Variants in CSMD1 observed in about 807,000 individuals in gnomAD.
CSMD1 encodes the protein CUB and Sushi multiple domains 1, also known as CUB and sushi domain-containing protein 1.
Under a neutral mutation model 417.5 loss-of-function variants are expected in CSMD1, and 213 were observed. The observed-to-expected ratio is 0.51, with a 90% CI of 0.46 to 0.57. CSMD1 has a LOEUF of 0.57. Among genes scored for constraint, CSMD1 ranks in the 20% least tolerant of loss-of-function variants. CSMD1 has a pLI of 0.00. For missense variants in CSMD1, 6,923 were observed against 4,529.7 expected (o/e 1.53, Z -15.17); for synonymous variants, 2,862 against 1,736.8 (o/e 1.65, Z -16.11).
At chr8:3,018,704 G>T in intron 51 of CSMD1, 54 bp from the exon 52 acceptor site, 1 of 1,484,788 alleles carries the variant, frequency 6.7e-7, no homozygotes, top group East Asian at 2.3e-5. Context: ...GATTACTCCT[G>T]TGCTCCAAAC....
intron 2 of CSMD1, among the ~76,000 whole-genome samples, chr8:4,545,638 G>C (rs1797594250): frequency 6.6e-6 from 1 of 152,186 alleles, no homozygotes; most frequent in Non-Finnish European, 1.5e-5. Context: ...TTCGTGGCTA[G>C]GAGTAAGACA....
At chr8:3,363,987 A>G (rs557991283) in intron 20 of CSMD1, among the ~76,000 whole-genome samples, 22 of 152,302 alleles carry the variant, frequency 1.4e-4, no homozygotes, top group African/African-American at 5.3e-4. Flanking sequence ...AGGAAACACA[A>G]TCAGGAAACA....
At chr8:4,894,360 A>T (rs549616720) in intron 1 of CSMD1, among the ~76,000 whole-genome samples, 18 of 152,110 alleles carry the variant, frequency 1.2e-4, no homozygotes, top group African/African-American at 3.9e-4. Flanking sequence ...GATTCTTAAA[A>T]ACACTTAGAT....
chr8:3,791,914 C>G (rs959889634), intron 5 of CSMD1, among the ~76,000 whole-genome samples: 1 of 152,048 alleles, frequency 6.6e-6, no homozygotes, highest in African/African-American at 2.4e-5. Context: ...AAAGTAATGG[C>G]AAAAACCTCA....
At chr8:3,527,469 A>G in intron 10 of CSMD1, among the ~76,000 whole-genome samples, 1 of 152,214 alleles carries the variant, frequency 6.6e-6, no homozygotes, top group Admixed American at 6.5e-5. Flanking sequence ...CGAGGGTGGG[A>G]TGTCACTATG....
intron 1 of CSMD1, among the ~76,000 whole-genome samples, chr8:4,932,737 C>T (rs2117197949): frequency 6.6e-6 from 1 of 152,236 alleles, no homozygotes; most frequent in South Asian, 2.1e-4. Flanking sequence ...GCCTTAAGTA[C>T]GATCCTTAAA....
At chr8:4,443,814 T>C (rs1469805947) in intron 2 of CSMD1, among the ~76,000 whole-genome samples, 2 of 152,186 alleles carry the variant, frequency 1.3e-5, no homozygotes, top group East Asian at 3.9e-4. Flanking sequence ...AAATCCCTTA[T>C]ATGGTGATCA....
chr8:4,849,246 T>A (rs1006138602), intron 1 of CSMD1, among the ~76,000 whole-genome samples: 1 of 152,304 alleles, frequency 6.6e-6, no homozygotes, highest in African/African-American at 2.4e-5. Flanking sequence ...AAAATATTAT[T>A]GTACACCTGT....
chr8:3,148,038 C>T lies in CSMD1; in HGVS notation c.6031+3359G>A, dbSNP rs570937448. Among the ~76,000 whole-genome samples the T allele has an allele frequency of 7.2e-5, 11 of 152,304 alleles. No homozygotes were observed. The East Asian group carries it at 1.9e-3, about 27-fold the overall frequency. On this transcript the variant is annotated intron_variant, in intron 40 of 69. Transcript: ENST00000635120. ...GTGTGACGTCAGTTGAAATACCTGT[C>T]TACCTTCTCAATCTCCCTGCTTGTC...
At chr8:4,072,818 C>T (rs1799628008) in intron 3 of CSMD1, among the ~76,000 whole-genome samples, 1 of 152,134 alleles carries the variant, frequency 6.6e-6, no homozygotes, top group African/African-American at 2.4e-5. Flanking sequence ...GGTTTCAAGG[C>T]AGCCCAAAAG....
intron 26 of CSMD1, among the ~76,000 whole-genome samples, chr8:3,246,644 G>C (rs747104169): frequency 2.6e-5 from 4 of 152,090 alleles, no homozygotes; most frequent in Non-Finnish European, 4.4e-5. Flanking sequence ...GCTAATTTTT[G>C]AATTTTTGAA....
intron 3 of CSMD1, among the ~76,000 whole-genome samples, chr8:4,300,310 G>T (rs1343759763): frequency 2.0e-5 from 3 of 152,086 alleles, no homozygotes; most frequent in Admixed American, 6.5e-5. Context: ...AATATGAGGG[G>T]ACCTCAAAAA....
intron 26 of CSMD1, among the ~76,000 whole-genome samples, chr8:3,239,952 A>G (rs1028496020): frequency 6.6e-6 from 1 of 151,758 alleles, no homozygotes. Flanking sequence ...AATACAGCTG[A>G]AGGAGCCGGG....
At chr8:4,716,746 A>G (rs916494640) in intron 1 of CSMD1, among the ~76,000 whole-genome samples, 1 of 152,222 alleles carries the variant, frequency 6.6e-6, no homozygotes, top group African/African-American at 2.4e-5. Context: ...TTAACTAAAA[A>G]CTGAGGTCTA....
At chr8:4,241,878 G>A (rs1303409432) in intron 3 of CSMD1, among the ~76,000 whole-genome samples, 1 of 152,008 alleles carries the variant, frequency 6.6e-6, no homozygotes, top group African/African-American at 2.4e-5. Flanking sequence ...AGAGAAAGAT[G>A]GAGGCAGAAT....
intron 3 of CSMD1, among the ~76,000 whole-genome samples, chr8:4,132,192 ATT>A (rs5889019): frequency 4.2e-5 from 4 of 95,794 alleles, no homozygotes; most frequent in South Asian, 4.2e-4. Flanking sequence ...TTTGTCATGG[ATT>A]TTTTTTTTTT....
chr8:3,896,636 C>A (rs182736754), intron 5 of CSMD1, among the ~76,000 whole-genome samples: 1 of 152,094 alleles, frequency 6.6e-6, no homozygotes, highest in East Asian at 1.9e-4. Context: ...CTCAGCCTCC[C>A]GAGTAGCTGG....
chr8:4,994,272 C>T, intron 1 of CSMD1, 60 bp downstream of exon 1: 1 of 1,507,180 alleles, frequency 6.6e-7, no homozygotes, highest in Admixed American at 1.7e-5. Flanking sequence ...ACACTCGCGT[C>T]CGCACACGGG....
intron 3 of CSMD1, among the ~76,000 whole-genome samples, chr8:4,104,591 G>C (rs569439884): frequency 6.8e-6 from 1 of 146,012 alleles, no homozygotes; most frequent in South Asian, 2.4e-4. Flanking sequence ...ATTAATAATT[G>C]CATGAGAACG....
Sources: allele counts gnomAD v4.1 joint callset (sites outside exome capture counted in the v4.1 genomes callset), GRCh38; gene constraint gnomAD v4.1.1; transcripts MANE v1.5; gene names NCBI Gene and HGNC (gene_info 2026-07-23, HGNC 2026-07-21).